The following SLC39A11 variants were observed in gnomAD, a reference collection of about 807,000 sequenced individuals.
SLC39A11 encodes the protein solute carrier family 39 member 11.
Under a neutral mutation model 36.1 loss-of-function variants are expected in SLC39A11, and 33 were observed. That is an observed-to-expected ratio of 0.91 (90% CI 0.69 to 1.22). SLC39A11 has a LOEUF of 1.22. SLC39A11 is among the 50% of genes most tolerant of loss of function. The probability of loss-of-function intolerance (pLI) is 0.00; values close to 1 mark genes in which losing one functional copy is unlikely to be tolerated. For missense variants in SLC39A11, 432 were observed against 430.3 expected, an observed-to-expected ratio of 1.00 and a Z score of -0.03; for synonymous variants, 166 against 170.3, an observed-to-expected ratio of 0.97 and a Z score of 0.20.
At chr17:72,893,480 T>G (rs959522217) in intron 5 of SLC39A11, among the ~76,000 whole-genome samples, 4 of 152,118 alleles carry the variant, frequency 2.6e-5, no homozygotes, top group Non-Finnish European at 5.9e-5. Context: ...TATATATATA[T>G]AGATACGGAC....
chr17:72,838,392 C>T (rs960998461), intron 6 of SLC39A11, among the ~76,000 whole-genome samples: 2 of 151,978 alleles, frequency 1.3e-5, no homozygotes, highest in Non-Finnish European at 2.9e-5. Flanking sequence ...CCACACCTGG[C>T]TAGTTTTTTA....
intron 3 of SLC39A11, among the ~76,000 whole-genome samples, chr17:73,076,189 A>G (rs17836668): frequency 0.11 from 16,905 of 152,018 alleles, 1,240 homozygotes; most frequent in Admixed American, 0.21. Flanking sequence ...GCTAGACACA[A>G]GTGCTGATGA....
chr17:73,068,077 C>A, intron 3 of SLC39A11: 2 of 1,498,344 alleles, frequency 1.3e-6, no homozygotes, highest in Non-Finnish European at 9.3e-7. Context: ...CTGCCCACTT[C>A]TTTGTTTTCA....
chr17:72,699,586 C>T (rs1395946572), intron 7 of SLC39A11, among the ~76,000 whole-genome samples: 1 of 152,222 alleles, frequency 6.6e-6, no homozygotes, highest in African/African-American at 2.4e-5. Context: ...TGTCCCTCCT[C>T]TAAGGCTGAA....
At chr17:72,701,763 G>A (rs2072640374) in intron 7 of SLC39A11, among the ~76,000 whole-genome samples, 6 of 107,546 alleles carry the variant, frequency 5.6e-5, no homozygotes, top group South Asian at 3.1e-4. Context: ...GAGAAAGAAA[G>A]AAAGAGAAAG....
chr17:72,776,979 T>C (rs946159114), intron 6 of SLC39A11, among the ~76,000 whole-genome samples: 5 of 152,152 alleles, frequency 3.3e-5, no homozygotes, highest in African/African-American at 4.8e-5. Flanking sequence ...TTTTTTCATC[T>C]CATAAGAGGG....
intron 6 of SLC39A11, among the ~76,000 whole-genome samples, chr17:72,829,958 T>G (rs755930631): frequency 6.6e-6 from 1 of 151,402 alleles, no homozygotes; most frequent in Non-Finnish European, 1.5e-5. Flanking sequence ...CGGTGCAGAG[T>G]CAGGGAATGG....
chr17:72,859,232 A>G (rs750622591), intron 5 of SLC39A11, among the ~76,000 whole-genome samples: 2 of 152,220 alleles, frequency 1.3e-5, no homozygotes, highest in Non-Finnish European at 2.9e-5. Flanking sequence ...AGTGCACACA[A>G]ATACAAAGCA....
In SLC39A11 at chr17:73,021,528, G is replaced by A. The variant is rs528182502; in HGVS notation, c.306+10028C>T. Among the ~76,000 whole-genome samples, 13 of 152,150 alleles carry A rather than the reference G, an allele frequency of 8.5e-5. No individual in the cohort carries two copies. The South Asian group carries it at 2.3e-3, about 27-fold the overall frequency. On this transcript the variant is annotated intron_variant, in intron 4 of 9. Transcript: ENST00000255559. Reference sequence around the variant, plus strand: ...GGCTAACTTTTGTATTTTTAGTACAGACGGGGTTTCACCATGTTGGCCAGG... The same window carrying A: ...GGCTAACTTTTGTATTTTTAGTACAAACGGGGTTTCACCATGTTGGCCAGG...
At chr17:72,912,310 G>A (rs1163157364) in intron 5 of SLC39A11, among the ~76,000 whole-genome samples, 1 of 151,990 alleles carries the variant, frequency 6.6e-6, no homozygotes, top group Non-Finnish European at 1.5e-5. Flanking sequence ...CACCAAGCAG[G>A]AGGCATTACA....
At chr17:72,716,990 TATACACACACAC>T (rs2073413731) in intron 7 of SLC39A11, among the ~76,000 whole-genome samples, 2 of 123,366 alleles carry the variant, frequency 1.6e-5, no homozygotes, top group Non-Finnish European at 3.2e-5. Flanking sequence ...AATATATATA[TATACACACACAC>T]ACACACACAC....
intron 6 of SLC39A11, among the ~76,000 whole-genome samples, chr17:72,847,145 G>A (rs1026026146): frequency 7.9e-5 from 12 of 152,168 alleles, no homozygotes; most frequent in Non-Finnish European, 1.5e-4. Context: ...GCTCATGCCC[G>A]TAATCCCAGC....
At chr17:72,705,604 A>G (rs953714760) in intron 7 of SLC39A11, among the ~76,000 whole-genome samples, 1 of 152,190 alleles carries the variant, frequency 6.6e-6, no homozygotes, top group Non-Finnish European at 1.5e-5. Flanking sequence ...CCTAGCAGAC[A>G]GAGGGCTACC....
chr17:72,962,090 T>C (rs748268748), intron 4 of SLC39A11, among the ~76,000 whole-genome samples: 5 of 152,214 alleles, frequency 3.3e-5, no homozygotes, highest in Non-Finnish European at 7.3e-5. Flanking sequence ...AGCTTGCTTC[T>C]AAGGGAAACA....
chr17:73,004,203 GAA>G (rs1234572830), intron 4 of SLC39A11, among the ~76,000 whole-genome samples: 1 of 123,446 alleles, frequency 8.1e-6, no homozygotes, highest in Non-Finnish European at 1.7e-5. Flanking sequence ...AAGAAAGAAA[GAA>G]AGAAAGAAAG....
intron 7 of SLC39A11, among the ~76,000 whole-genome samples, chr17:72,709,234 G>A (rs887887756): frequency 1.3e-5 from 2 of 152,134 alleles, no homozygotes; most frequent in Admixed American, 6.5e-5. Context: ...CACCGCGCCC[G>A]GCCAAGCCTT....
intron 7 of SLC39A11, among the ~76,000 whole-genome samples, chr17:72,716,982 T>A (rs8079090): frequency 0.25 from 25,231 of 99,764 alleles, 2,867 homozygotes; most frequent in African/African-American, 0.45. Flanking sequence ...AAAAAAAAAA[T>A]ATATATATAT....
At chr17:72,921,617 C>T (rs1336530305) in intron 5 of SLC39A11, among the ~76,000 whole-genome samples, 1 of 152,202 alleles carries the variant, frequency 6.6e-6, no homozygotes, top group Non-Finnish European at 1.5e-5. Flanking sequence ...CAGGAATATG[C>T]ATATTGCTGG....
At position 73,091,973 on chromosome 17, in the gene SLC39A11, TG is replaced by T. The variant is rs1202412702; in HGVS notation, c.-12+637del. The T allele has an allele frequency of 4.6e-5, 7 of 152,384 alleles. No homozygotes were observed. The East Asian group carries it at 1.4e-3, about 29-fold the overall frequency. The allele number at this position is 152,384 out of a possible 1,614,324, so 9.4% of individuals were successfully genotyped here. ...GCAGAAGTGGAAACAGCACTAGGGC[TG>T]CTGGGCCTTAGTGGAGCTGCACACA... On this transcript the variant is annotated intron_variant, in intron 1 of 9. Transcript: ENST00000255559.
Sources: allele counts gnomAD v4.1 joint callset (sites outside exome capture counted in the v4.1 genomes callset), GRCh38; gene constraint gnomAD v4.1.1; transcripts MANE v1.5; gene names NCBI Gene and HGNC (gene_info 2026-07-23, HGNC 2026-07-21).